The following CLIC4 variants were observed in gnomAD, a reference collection of about 807,000 sequenced individuals.
CLIC4 encodes the protein CLIC family member 4.
CLIC4 carries 13 observed loss-of-function variants against 24.6 expected under a neutral mutation model. The ratio of observed to expected loss-of-function variants is 0.53; its 90% CI spans 0.34 to 0.84. The LOEUF (loss-of-function observed/expected upper bound fraction) is 0.84. Ranked by LOEUF, CLIC4 falls within the 40% of genes least tolerant of loss-of-function variation. The probability of loss-of-function intolerance (pLI) is 0.01; values close to 1 mark genes in which losing one functional copy is unlikely to be tolerated. For missense variants in CLIC4, 227 were observed against 301.7 expected (o/e 0.75, Z 1.83); for synonymous variants, 104 against 111.3 (o/e 0.93, Z 0.41).
At position 24,745,499 on chromosome 1, in the gene CLIC4, AAGC is replaced by A. The variant is rs1014261500; in HGVS notation, c.-36_-34del. On this transcript the variant is annotated 5_prime_UTR_variant, in exon 1 of 6. Coordinates refer to ENST00000374379, the MANE Select transcript of CLIC4 (RefSeq NM_013943.3). ...GGCAGCCGGAGCAGTCCCGGAGCAG[AAGC>A]AGCAGCAGCAGCAGCAGCCCTCGCC... The A allele has an allele frequency of 1.5e-3, 2,278 of 1,475,426 alleles. 4 individuals are homozygous for A. The highest frequency in any genetic ancestry group is 7.7e-3 in the African/African-American group (536 of 70,020). The allele number at this position is 1,475,426 out of a possible 1,614,324, so 91.4% of individuals were successfully genotyped here.
intron 1 of CLIC4, among the ~76,000 whole-genome samples, chr1:24,777,122 G>A (rs1393736262): frequency 6.6e-6 from 1 of 152,160 alleles, no homozygotes; most frequent in Non-Finnish European, 1.5e-5. Context: ...GTGCATGTGT[G>A]TGTGTATTTT....
At chr1:24,827,637 A>G (rs1639800589) in intron 4 of CLIC4, among the ~76,000 whole-genome samples, 1 of 151,104 alleles carries the variant, frequency 6.6e-6, no homozygotes, top group Admixed American at 6.6e-5. Context: ...TAAGAGGGTA[A>G]TTAGACATAC....
intron 2 of CLIC4, among the ~76,000 whole-genome samples, chr1:24,800,475 C>T (rs910935065): frequency 1.3e-5 from 2 of 151,084 alleles, no homozygotes; most frequent in African/African-American, 2.4e-5. Context: ...CCAGCCGCCC[C>T]GTCCGGGAGG....
chr1:24,763,995 T>C (rs149233074), intron 1 of CLIC4, among the ~76,000 whole-genome samples: 47 of 152,352 alleles, frequency 3.1e-4, no homozygotes, highest in African/African-American at 9.9e-4. Flanking sequence ...GTAAGTCTTA[T>C]TGAATGAGTA....
intron 5 of CLIC4, 124 bp from the exon 6 acceptor site, chr1:24,840,649 T>C (rs1363542249): frequency 1.3e-6 from 1 of 790,844 alleles, no homozygotes; most frequent in Non-Finnish European, 2.0e-6. Context: ...TGATGGACTT[T>C]TTTTCATATA....
intron 2 of CLIC4, among the ~76,000 whole-genome samples, chr1:24,799,339 A>G (rs377492396): frequency 3.9e-5 from 5 of 129,864 alleles, no homozygotes; most frequent in Non-Finnish European, 8.2e-5. Flanking sequence ...GCCCGGCCGC[A>G]ACCCCGTCTG....
chr1:24,815,258 G>A (rs1168428743), intron 3 of CLIC4, among the ~76,000 whole-genome samples: 1 of 152,212 alleles, frequency 6.6e-6, no homozygotes, highest in Non-Finnish European at 1.5e-5. Context: ...AGCACTTTGG[G>A]AGGCTGAGGC....
intron 1 of CLIC4, among the ~76,000 whole-genome samples, chr1:24,780,550 G>A (rs780185245): frequency 1.3e-5 from 2 of 152,160 alleles, no homozygotes; most frequent in Non-Finnish European, 2.9e-5. Context: ...TTATGTCTAA[G>A]AGGTCTTCCA....
rs576610458 is a variant in CLIC4, at chr1:24,816,105, A to G, written c.308+1886A>G. Among the ~76,000 whole-genome samples the G allele has an allele frequency of 3.3e-5, 5 of 152,198 alleles. No individual in the cohort carries two copies. The South Asian group carries it at 8.3e-4, about 25-fold the overall frequency. ...CTAGTTCTCTTGCTATTTTCAACAC[A>G]TATGTAGTTCCTCCCTCCACTGATG... On this transcript the variant is annotated intron_variant, in intron 3 of 5. Coordinates refer to ENST00000374379, the MANE Select transcript of CLIC4 (RefSeq NM_013943.3).
At chr1:24,807,939 A>G (rs1557808776) in intron 2 of CLIC4, among the ~76,000 whole-genome samples, 1 of 122,402 alleles carries the variant, frequency 8.2e-6, no homozygotes, top group African/African-American at 3.0e-5. Context: ...ATATGACAAG[A>G]TTAAAAAACA....
intron 1 of CLIC4, among the ~76,000 whole-genome samples, chr1:24,792,213 CAG>C (rs916645343): frequency 1.3e-5 from 2 of 151,292 alleles, no homozygotes; most frequent in African/African-American, 4.9e-5. Flanking sequence ...TAAATAGTGA[CAG>C]AGTCTTGCTC....
intron 2 of CLIC4, among the ~76,000 whole-genome samples, chr1:24,813,381 T>G (rs11249176): frequency 6.6e-6 from 1 of 152,086 alleles, no homozygotes. Flanking sequence ...ATACTTTAAA[T>G]TTTAGAACCA....
rs184436108 is a variant in CLIC4 at position 24,791,788 on chromosome 1, A to T, written c.73-5954A>T. On this transcript the variant is annotated intron_variant, in intron 1 of 5. Coordinates refer to ENST00000374379, the MANE Select transcript of CLIC4 (RefSeq NM_013943.3). ...TTACTCGGGAGGTTGAGGCAGGAGA[A>T]TCACTTGAACCTCGGAGGTGGAGGT... Among the ~76,000 whole-genome samples the T allele has an allele frequency of 1.3e-3, 201 of 152,236 alleles. 1 individual carries two copies. Among genetic ancestry groups the T allele is most frequent in the Non-Finnish European group, 2.4e-3 (163 of 68,020 alleles).
chr1:24,788,210 G>A (rs184787636), intron 1 of CLIC4, among the ~76,000 whole-genome samples: 119 of 151,710 alleles, frequency 7.8e-4, no homozygotes, highest in African/African-American at 2.7e-3. Flanking sequence ...GGCTGATCTC[G>A]AACTCCTGAC....
chr1:24,796,152 T>A (rs1171816821), intron 1 of CLIC4, among the ~76,000 whole-genome samples: 1 of 152,198 alleles, frequency 6.6e-6, no homozygotes, highest in Middle Eastern at 3.2e-3. Context: ...ATGTGCTGCA[T>A]ATGCCAGGGG....
At chr1:24,766,993 A>G (rs1639007468) in intron 1 of CLIC4, among the ~76,000 whole-genome samples, 1 of 149,164 alleles carries the variant, frequency 6.7e-6, no homozygotes, top group South Asian at 2.1e-4. Flanking sequence ...CTTGGGCCAC[A>G]CAAAAAATAC....
intron 1 of CLIC4, among the ~76,000 whole-genome samples, chr1:24,747,175 C>T (rs1638711065): frequency 7.0e-6 from 1 of 141,902 alleles, no homozygotes; most frequent in Non-Finnish European, 1.5e-5. Context: ...CAAAGCGTTT[C>T]GGTTACTTTG....
At chr1:24,813,950 C>T (rs1278274243) in intron 2 of CLIC4, 144 bp from the exon 3 acceptor site, 3 of 869,630 alleles carry the variant, frequency 3.4e-6, no homozygotes, top group Non-Finnish European at 5.5e-6. Flanking sequence ...AACTCCTGGG[C>T]TAAGCAGTGT....
chr1:24,835,456 G>T (rs545180608), intron 4 of CLIC4, among the ~76,000 whole-genome samples: 1 of 152,118 alleles, frequency 6.6e-6, no homozygotes, highest in Non-Finnish European at 1.5e-5. Flanking sequence ...CCAGCTACTC[G>T]GGAGGCTGAG....
Sources: allele counts gnomAD v4.1 joint callset (sites outside exome capture counted in the v4.1 genomes callset), GRCh38; gene constraint gnomAD v4.1.1; transcripts MANE v1.5; gene names NCBI Gene and HGNC (gene_info 2026-07-23, HGNC 2026-07-21).